Variants in LRRC40 observed in about 807,000 individuals in gnomAD.
LRRC40 encodes leucine rich repeat containing 40.
A neutral mutation model predicts 72.8 loss-of-function variants in LRRC40; 76 were observed. The observed-to-expected ratio is 1.04, with a 90% CI of 0.87 to 1.26. The LOEUF (loss-of-function observed/expected upper bound fraction) is 1.26, where lower values mean the gene tolerates loss of function less well. Among genes scored for constraint, LRRC40 ranks in the 50% most tolerant of loss-of-function variants. The probability of loss-of-function intolerance (pLI) is 0.00; values close to 1 mark genes in which losing one functional copy is unlikely to be tolerated. For missense variants in LRRC40, 684 were observed against 698.9 expected (o/e 0.98, Z 0.24); for synonymous variants, 243 against 254.2 (o/e 0.96, Z 0.42).
At chr1:70,189,063 T>A in intron 2 of LRRC40, 29 bp downstream of exon 2, 1 of 1,575,428 alleles carries the variant, frequency 6.3e-7, no homozygotes, top group East Asian at 2.3e-5. Context: ...CTTCAATTAA[T>A]AATCCATATT....
At chr1:70,199,510 AAAGC>A (rs1668691132) in intron 1 of LRRC40, among the ~76,000 whole-genome samples, 1 of 152,182 alleles carries the variant, frequency 6.6e-6, no homozygotes, top group African/African-American at 2.4e-5. Context: ...CACCCGTGAG[AAAGC>A]AAGACCATCC....
chr1:70,151,398 T>A (rs542540874), intron 12 of LRRC40, among the ~76,000 whole-genome samples, 193 bp from the exon 13 acceptor site: 15 of 152,124 alleles, frequency 9.9e-5, no homozygotes, highest in Non-Finnish European at 2.1e-4. Context: ...GTATGCCAAA[T>A]CCTAATAATA....
chr1:70,198,799 A>C (rs1571499175), intron 1 of LRRC40, among the ~76,000 whole-genome samples: 1 of 152,334 alleles, frequency 6.6e-6, no homozygotes, highest in Non-Finnish European at 1.5e-5. Context: ...AGTGACAAGG[A>C]AAATGTACAA....
intron 2 of LRRC40, 101 bp downstream of exon 2, chr1:70,188,991 G>C: frequency 2.2e-6 from 2 of 929,394 alleles, no homozygotes; most frequent in Admixed American, 2.3e-5. Flanking sequence ...ATCTGTCCTT[G>C]CATTACCAAC....
chr1:70,159,169 A>G (rs539104696), intron 10 of LRRC40, among the ~76,000 whole-genome samples, 161 bp downstream of exon 10: 3 of 152,280 alleles, frequency 2.0e-5, no homozygotes, highest in African/African-American at 7.2e-5. Context: ...ATGTTTAAAA[A>G]AAAATAAATT....
intron 4 of LRRC40, among the ~76,000 whole-genome samples, chr1:70,182,645 G>T (rs1389528717): frequency 6.6e-6 from 1 of 151,886 alleles, no homozygotes; most frequent in African/African-American, 2.4e-5. Context: ...AATTACTGCA[G>T]TTAGTAATTG....
chr1:70,176,268 C>G (rs933696387), intron 6 of LRRC40, among the ~76,000 whole-genome samples: 17 of 152,124 alleles, frequency 1.1e-4, no homozygotes, highest in South Asian at 1.0e-3. Flanking sequence ...TGCAGTGGCT[C>G]ACGCCTGTAA....
chr1:70,163,757 A>G (rs1422487852), intron 9 of LRRC40, among the ~76,000 whole-genome samples: 1 of 152,256 alleles, frequency 6.6e-6, no homozygotes. Context: ...GTGACGGAGC[A>G]AGAAATTAAA....
chr1:70,160,232 C>A (rs542333766), intron 9 of LRRC40, among the ~76,000 whole-genome samples: 1 of 152,158 alleles, frequency 6.6e-6, no homozygotes, highest in African/African-American at 2.4e-5. Flanking sequence ...GCAGAAGGCA[C>A]GCCAAAAGAA....
Position 70,160,617 on chromosome 1 carries a change from T to C in LRRC40, c.1112-1179A>G, listed in dbSNP as rs1571446698. Among the ~76,000 whole-genome samples the C allele has an allele frequency of 2.0e-5, 3 of 152,222 alleles. No homozygotes were observed. In the South Asian group the frequency reaches 6.2e-4, roughly 32 times the overall value. On this transcript the variant is annotated intron_variant, in intron 9 of 14. Transcript: ENST00000370952. The stretch of plus-strand genomic sequence containing the variant: ...ATTAAACCAGCAACAAAATCCAGCA[T>C]TGTTTTTAAAATATCTATGTATACT...
intron 7 of LRRC40, among the ~76,000 whole-genome samples, chr1:70,175,058 G>A (rs770398153): frequency 6.6e-5 from 10 of 151,904 alleles, no homozygotes; most frequent in African/African-American, 9.7e-5. Flanking sequence ...AGCAAAAACC[G>A]GATTTGGGCT....
intron 1 of LRRC40, among the ~76,000 whole-genome samples, chr1:70,202,396 T>A (rs990680049): frequency 1.3e-5 from 2 of 152,144 alleles, no homozygotes; most frequent in African/African-American, 4.8e-5. Flanking sequence ...TGGATGAACC[T>A]TAAATGCATA....
At position 70,160,723 on chromosome 1, in the gene LRRC40, A is replaced by G. The variant is rs547307941; in HGVS notation, c.1112-1285T>C. On this transcript the variant is annotated intron_variant, in intron 9 of 14. Coordinates refer to ENST00000370952, the MANE Select transcript of LRRC40 (RefSeq NM_017768.5). ...TAATAATTAGCATCAAGGAGAATAT[A>G]AGGAGAGAGTCTATTGTCTCTGGGG... Among the ~76,000 whole-genome samples the G allele has an allele frequency of 3.3e-5, 5 of 152,292 alleles. No homozygotes were observed. In the South Asian group the frequency reaches 1.0e-3, roughly 32 times the overall value.
intron 1 of LRRC40, among the ~76,000 whole-genome samples, chr1:70,203,294 C>A (rs1668789238): frequency 6.6e-6 from 1 of 152,186 alleles, no homozygotes; most frequent in African/African-American, 2.4e-5. Context: ...TATACCGTAT[C>A]TTCTGGGCTA....
intron 9 of LRRC40, among the ~76,000 whole-genome samples, chr1:70,169,767 C>T (rs183028041): frequency 6.6e-6 from 1 of 152,036 alleles, no homozygotes; most frequent in Non-Finnish European, 1.5e-5. Context: ...ATATCTATAA[C>T]ACGTGAAGAG....
chr1:70,196,824 T>A (rs1668622309), intron 1 of LRRC40, among the ~76,000 whole-genome samples: 1 of 152,214 alleles, frequency 6.6e-6, no homozygotes, highest in Non-Finnish European at 1.5e-5. Flanking sequence ...GGTTACATGA[T>A]GGTATATATT....
At chr1:70,149,513 G>A (rs1212899378) in intron 13 of LRRC40, among the ~76,000 whole-genome samples, 1 of 152,152 alleles carries the variant, frequency 6.6e-6, no homozygotes, top group East Asian at 1.9e-4. Context: ...TGCAACCCAT[G>A]AACAAGATAA....
chr1:70,176,469 T>C (rs529002936), intron 6 of LRRC40, among the ~76,000 whole-genome samples: 6 of 148,014 alleles, frequency 4.1e-5, no homozygotes, highest in South Asian at 2.1e-4. Context: ...GAGGCGGAGG[T>C]TGCAGTGAGC....
At chr1:70,190,677 T>TAAAAAAA (rs59341874) in intron 1 of LRRC40, among the ~76,000 whole-genome samples, 8,201 of 53,884 alleles carry the variant, frequency 0.15, 957 homozygotes, top group Non-Finnish European at 0.16. Context: ...ACCCTGTCTC[T>TAAAAAAA]AAAAAAAAAA....
Sources: gnomAD v4.1 joint callset for allele counts (sites outside exome capture counted in the v4.1 genomes callset) on GRCh38, gnomAD v4.1.1 for gene constraint, MANE v1.5 for transcripts, NCBI Gene and HGNC (gene_info 2026-07-23, HGNC 2026-07-21) for gene names.